CNTNAP3B: variants seen among roughly 807,000 people sequenced by gnomAD.
The protein encoded by CNTNAP3B is contactin-associated protein-like 3B.
A neutral mutation model predicts 108.9 loss-of-function variants in CNTNAP3B; 25 were observed. The observed-to-expected ratio is 0.23, with a 90% CI of 0.17 to 0.32. CNTNAP3B has a LOEUF of 0.32. Among genes scored for constraint, CNTNAP3B ranks in the 10% least tolerant of loss-of-function variants. The pLI, the probability that CNTNAP3B is intolerant of heterozygous loss-of-function variation, is 1.00. For synonymous variants in CNTNAP3B, 103 were observed against 473.4 expected, an observed-to-expected ratio of 0.22 and a Z score of 10.16; for missense variants, 252 against 1,210.4, an observed-to-expected ratio of 0.21 and a Z score of 11.75.
At chr9:41,943,717 G>A (rs1451469797) in intron 13 of CNTNAP3B, among the ~76,000 whole-genome samples, 1 of 150,706 alleles carries the variant, frequency 6.6e-6, no homozygotes, top group Non-Finnish European at 1.5e-5. Context: ...GAAGTAGAAG[G>A]AAGAGAGTGA....
rs1554755517 is a variant in CNTNAP3B, at chr9:42,086,431, C to CT, written c.197-9370dup. 9.2e-4 allele frequency among the ~76,000 whole-genome samples: 116 copies of CT among 125,832 alleles called. 3 individuals carry two copies. Among genetic ancestry groups the CT allele is most frequent in the Middle Eastern group, 4.0e-3 (1 of 252 alleles). The allele number at this position is 125,832 out of a possible 152,430, so 82.6% of individuals were successfully genotyped here. On this transcript the variant is annotated intron_variant, in intron 2 of 23. Coordinates refer to ENST00000377561, the MANE Select transcript of CNTNAP3B (RefSeq NM_001201380.3). ...TACATTTTTTACATTTTTGCATTTA[C>CT]TTTTTTTTTTTACATTTTTTTTTAC...
At chr9:41,965,092 GA>G (rs1442281475) in intron 10 of CNTNAP3B, among the ~76,000 whole-genome samples, 1 of 152,286 alleles carries the variant, frequency 6.6e-6, no homozygotes, top group African/African-American at 2.4e-5. Flanking sequence ...AAATTTTGAA[GA>G]ACATTTAATT....
At chr9:41,963,192 GA>G (rs1186058183) in intron 11 of CNTNAP3B, among the ~76,000 whole-genome samples, 42 of 152,392 alleles carry the variant, frequency 2.8e-4, no homozygotes, top group Non-Finnish European at 4.1e-4. Flanking sequence ...TGGCTTTTGT[GA>G]AAATCAAATG....
intron 3 of CNTNAP3B, among the ~76,000 whole-genome samples, chr9:42,037,129 A>G (rs1197818274): frequency 5.4e-5 from 8 of 147,884 alleles, no homozygotes; most frequent in Admixed American, 4.7e-4. Flanking sequence ...AATTCTAAAA[A>G]TCAGAGCACC....
chr9:42,095,933 A>G (rs1393436135), intron 2 of CNTNAP3B, among the ~76,000 whole-genome samples: 1 of 138,660 alleles, frequency 7.2e-6, no homozygotes, highest in South Asian at 2.3e-4. Flanking sequence ...CTGCCGACGG[A>G]GCCAAGTCCT....
intron 3 of CNTNAP3B, among the ~76,000 whole-genome samples, chr9:42,062,681 C>A: frequency 8.9e-6 from 1 of 112,162 alleles, no homozygotes; most frequent in South Asian, 2.8e-4. Flanking sequence ...TTCCTGACTA[C>A]AGCCATTTAG....
chr9:42,128,052 G>A lies in CNTNAP3B; in HGVS notation c.85+958C>T, dbSNP rs1828610441. 1.4e-5 allele frequency among the ~76,000 whole-genome samples: 2 copies of A among 138,950 alleles called. 1 individual carries two copies. Among genetic ancestry groups the A allele is most frequent in the Non-Finnish European group, 3.1e-5 (2 of 64,906 alleles). The allele number at this position is 138,950 out of a possible 152,430, so 91.2% of individuals were successfully genotyped here. A position where few individuals can be genotyped will look rare whatever the true frequency, so the allele number is the denominator to read the frequency against. Reference sequence around the variant, plus strand: ...AGATGCCACTGAAAGAAAAATAAAAGTGATTTGAGAAGGAGGAGGAAGACA... The same window carrying A: ...AGATGCCACTGAAAGAAAAATAAAAATGATTTGAGAAGGAGGAGGAAGACA... On this transcript the variant is annotated intron_variant, in intron 1 of 23. Coordinates refer to ENST00000377561, the MANE Select transcript of CNTNAP3B (RefSeq NM_001201380.3).
chr9:41,958,006 C>G (rs1382354820), intron 12 of CNTNAP3B, among the ~76,000 whole-genome samples: 1 of 152,276 alleles, frequency 6.6e-6, no homozygotes, highest in East Asian at 1.9e-4. Context: ...TCGTGATCCG[C>G]CTGCCTCAGC....
chr9:41,950,070 A>G (rs1037665832), intron 13 of CNTNAP3B, among the ~76,000 whole-genome samples: 8 of 102,968 alleles, frequency 7.8e-5, no homozygotes, highest in Admixed American at 7.2e-4. Context: ...AAAATGAACA[A>G]CAACAAAAAC....
chr9:42,034,156 C>T lies in CNTNAP3B; in HGVS notation c.391-20631G>A, dbSNP rs577823375. On this transcript the variant is annotated intron_variant, in intron 3 of 23. Transcript: ENST00000377561. The stretch of plus-strand genomic sequence containing the variant: ...ATCTTTCTATGTGTACATAATCTAC[C>T]TATTTATCTATATGTATGTATGTAT... Among the ~76,000 whole-genome samples the T allele has an allele frequency of 4.9e-3, 455 of 93,006 alleles. 63 individuals carry two copies. Among genetic ancestry groups the T allele is most frequent in the Middle Eastern group, 0.019 (3 of 162 alleles). 61.0% of individuals were successfully genotyped at this position (93,006 alleles called of 152,430 possible). A position where few individuals can be genotyped will look rare whatever the true frequency, so the allele number is the denominator to read the frequency against.
intron 2 of CNTNAP3B, among the ~76,000 whole-genome samples, chr9:42,103,551 G>A (rs1475029063): frequency 7.0e-5 from 7 of 99,382 alleles, no homozygotes; most frequent in East Asian, 3.9e-4. Context: ...GTGAAACCCC[G>A]TCCCTGCTAA....
At chr9:41,941,970 C>A (rs1824360205) in intron 13 of CNTNAP3B, among the ~76,000 whole-genome samples, 1 of 152,406 alleles carries the variant, frequency 6.6e-6, no homozygotes, top group South Asian at 2.1e-4. Flanking sequence ...GAAATAAGCG[C>A]TGAACATTAT....
intron 3 of CNTNAP3B, among the ~76,000 whole-genome samples, chr9:42,044,236 G>C (rs1218120601): frequency 1.3e-5 from 2 of 149,758 alleles, no homozygotes; most frequent in African/African-American, 2.5e-5. Flanking sequence ...GTTAATCTCT[G>C]TGCCTCATTT....
chr9:41,956,160 G>A (rs1824851134), intron 12 of CNTNAP3B, among the ~76,000 whole-genome samples: 1 of 152,194 alleles, frequency 6.6e-6, no homozygotes, highest in South Asian at 2.1e-4. Flanking sequence ...GCCGAGGCAG[G>A]CGGATTACGA....
rs556905059 is a variant in CNTNAP3B at position 42,107,709 on chromosome 9, C to A, written c.86-2970G>T. Among the ~76,000 whole-genome samples, 113 of 138,154 alleles carry A rather than the reference C, an allele frequency of 8.2e-4. 23 individuals carry two copies. Among genetic ancestry groups the A allele is most frequent in the Middle Eastern group, 3.5e-3 (1 of 284 alleles). 90.6% of individuals were successfully genotyped at this position (138,154 alleles called of 152,430 possible). ...AAGGCAATAAATTCGGGCGCGGTGG[C>A]TCACACCTGTAATCCCAACACTTTG... On this transcript the variant is annotated intron_variant, in intron 1 of 23. Coordinates refer to ENST00000377561, the MANE Select transcript of CNTNAP3B (RefSeq NM_001201380.3).
intron 15 of CNTNAP3B, among the ~76,000 whole-genome samples, chr9:41,928,553 A>G (rs1327378931): frequency 2.0e-5 from 3 of 152,264 alleles, no homozygotes; most frequent in Non-Finnish European, 4.4e-5. Flanking sequence ...ACACCACACC[A>G]TCTGGCACAC....
intron 1 of CNTNAP3B, among the ~76,000 whole-genome samples, chr9:42,116,635 T>C (rs1828323889): frequency 1.4e-5 from 2 of 138,930 alleles, no homozygotes; most frequent in Non-Finnish European, 1.5e-5. Context: ...AAATAACCAG[T>C]TAACATCATA....
rs1385583867 is a variant in CNTNAP3B at position 42,021,854 on chromosome 9, T to C, written c.391-8329A>G. On this transcript the variant is annotated intron_variant, in intron 3 of 23. Transcript: ENST00000377561. The stretch of plus-strand genomic sequence containing the variant: ...CAAATTCTAACAGTGAAATTGAAAC[T>C]GCCTTTGCACAAATTCTAACAGTGA... Among the ~76,000 whole-genome samples the C allele has an allele frequency of 2.2e-5, 3 of 137,982 alleles. 1 individual carries two copies. Among genetic ancestry groups the C allele is most frequent in the African/African-American group, 5.8e-5 (2 of 34,492 alleles). The allele number at this position is 137,982 out of a possible 152,430, so 90.5% of individuals were successfully genotyped here.
In CNTNAP3B at chr9:42,116,069, G is replaced by T. The variant is rs574934928; in HGVS notation, c.86-11330C>A. Among the ~76,000 whole-genome samples the T allele has an allele frequency of 3.0e-4, 42 of 139,712 alleles. 10 individuals carry two copies. The highest frequency in any genetic ancestry group is 1.2e-3 in the African/African-American group (42 of 35,298). 91.7% of individuals were successfully genotyped at this position (139,712 alleles called of 152,430 possible). On this transcript the variant is annotated intron_variant, in intron 1 of 23. Coordinates refer to ENST00000377561, the MANE Select transcript of CNTNAP3B (RefSeq NM_001201380.3). The stretch of plus-strand genomic sequence containing the variant: ...AACCATGGCACTAGAACTACATGAC[G>T]CATGCACAAGCTTCAGTAGCCAATC...
Sources: gnomAD v4.1 joint callset for allele counts (sites outside exome capture counted in the v4.1 genomes callset) on GRCh38, gnomAD v4.1.1 for gene constraint, MANE v1.5 for transcripts, NCBI Gene and HGNC (gene_info 2026-07-23, HGNC 2026-07-21) for gene names.